The following FOXP1 variants were observed in gnomAD, a reference collection of about 807,000 sequenced individuals.
FOXP1 encodes forkhead box protein P1.
Under a neutral mutation model 98.2 loss-of-function variants are expected in FOXP1, and 15 were observed. The observed-to-expected ratio is 0.15, with a 90% CI of 0.10 to 0.24. The LOEUF (loss-of-function observed/expected upper bound fraction) is 0.24. FOXP1 is among the 10% of genes least tolerant of loss of function. The pLI is 1.00. For synonymous variants in FOXP1, 371 were observed against 314.5 expected, an observed-to-expected ratio of 1.18 and a Z score of -1.90; for missense variants, 633 against 848.5, an observed-to-expected ratio of 0.75 and a Z score of 3.15.
At chr3:71,211,121 T>TA (rs1187727120) in intron 5 of FOXP1, among the ~76,000 whole-genome samples, 1 of 152,160 alleles carries the variant, frequency 6.6e-6, no homozygotes, top group Non-Finnish European at 1.5e-5. Context: ...ACCTATTCCT[T>TA]ATCACGAGCA....
rs149630006 is a variant in FOXP1 at position 71,252,373 on chromosome 3, G to T, written c.-12+47447C>A. ...TTTCCTCATGTTTTTAGCCACTGTG[G>T]AGTAGTGAGGTGTTCCATGAACACA... On this transcript the variant is annotated intron_variant, in intron 5 of 20. Coordinates refer to ENST00000649528, the MANE Select transcript of FOXP1 (RefSeq NM_001349338.3). 6.5e-3 allele frequency among the ~76,000 whole-genome samples: 992 copies of T among 152,302 alleles called. 13 individuals carry two copies. Among genetic ancestry groups the T allele is most frequent in the African/African-American group, 0.023 (960 of 41,552 alleles).
chr3:71,275,188 T>C (rs970573892), intron 5 of FOXP1, among the ~76,000 whole-genome samples: 3 of 152,354 alleles, frequency 2.0e-5, no homozygotes, highest in South Asian at 2.1e-4. Context: ...TTAATATATA[T>C]TGGAGATATT....
At chr3:71,544,037 A>C (rs531659227) in intron 2 of FOXP1, among the ~76,000 whole-genome samples, 1 of 150,860 alleles carries the variant, frequency 6.6e-6, no homozygotes, top group South Asian at 2.1e-4. Context: ...ACACATATAC[A>C]CACATATATG....
intron 7 of FOXP1, among the ~76,000 whole-genome samples, chr3:71,073,455 A>C (rs2053483871): frequency 6.6e-6 from 1 of 152,228 alleles, no homozygotes; most frequent in African/African-American, 2.4e-5. Flanking sequence ...TTCTTACGAC[A>C]ACCTATGAAA....
chr3:71,502,777 A>G (rs1449549348), intron 2 of FOXP1, among the ~76,000 whole-genome samples: 2 of 152,214 alleles, frequency 1.3e-5, no homozygotes, highest in Admixed American at 6.5e-5. Flanking sequence ...AGCCATAACA[A>G]CAGCAGGGGT....
chr3:71,583,866 C>T (rs1290430068), upstream of FOXP1: 2 of 985,434 alleles, frequency 2.0e-6, no homozygotes, highest in South Asian at 4.5e-5. Flanking sequence ...CACCCCGGCC[C>T]GACCCTCTAC....
At chr3:71,537,360 T>C (rs1452271042) in intron 2 of FOXP1, among the ~76,000 whole-genome samples, 1 of 152,194 alleles carries the variant, frequency 6.6e-6, no homozygotes, top group East Asian at 1.9e-4. Flanking sequence ...GGATTTGTTT[T>C]TCCCCCAGCT....
chr3:70,966,848 G>C (rs1328096480), intron 19 of FOXP1, among the ~76,000 whole-genome samples: 1 of 152,158 alleles, frequency 6.6e-6, no homozygotes, highest in Admixed American at 6.5e-5. Flanking sequence ...ACTTTATTTA[G>C]GATAGGTAGG....
intron 19 of FOXP1, chr3:70,970,111 G>C (rs2035885606): frequency 6.5e-6 from 1 of 152,788 alleles, no homozygotes; most frequent in Admixed American, 6.5e-5. Context: ...GGTACCATTG[G>C]TGATGTAACA....
chr3:71,064,812 A>T (rs1405514278), intron 7 of FOXP1: 1 of 984,528 alleles, frequency 1.0e-6, no homozygotes, highest in Non-Finnish European at 1.2e-6. Flanking sequence ...AAGATCAATC[A>T]GAAGGACCAA....
chr3:71,071,825 T>C (rs2053268679), intron 7 of FOXP1, among the ~76,000 whole-genome samples: 1 of 152,086 alleles, frequency 6.6e-6, no homozygotes, highest in African/African-American at 2.4e-5. Context: ...ATCGGCCTGC[T>C]TCAGCCTCCC....
intron 6 of FOXP1, among the ~76,000 whole-genome samples, chr3:71,161,883 C>G (rs1560043888): frequency 6.6e-6 from 1 of 152,188 alleles, no homozygotes; most frequent in Non-Finnish European, 1.5e-5. Context: ...AGATAAAAAT[C>G]AACAGTGATG....
intron 7 of FOXP1, among the ~76,000 whole-genome samples, chr3:71,099,599 T>C (rs1314499291): frequency 6.6e-6 from 1 of 152,178 alleles, no homozygotes; most frequent in Non-Finnish European, 1.5e-5. Context: ...TCAGTTAATC[T>C]TCACAACTGC....
chr3:71,070,508 C>CA (rs1163806092), intron 7 of FOXP1, among the ~76,000 whole-genome samples: 1 of 152,018 alleles, frequency 6.6e-6, no homozygotes, highest in East Asian at 1.9e-4. Flanking sequence ...TCCTAAGATC[C>CA]AAAAAACGGA....
At chr3:71,139,022 T>G (rs1391431189) in intron 6 of FOXP1, among the ~76,000 whole-genome samples, 3 of 152,188 alleles carry the variant, frequency 2.0e-5, no homozygotes, top group African/African-American at 7.2e-5. Flanking sequence ...GCATGTTAAT[T>G]TGGGTTAAAA....
intron 7 of FOXP1, among the ~76,000 whole-genome samples, chr3:71,074,008 G>A (rs775521727): frequency 6.6e-6 from 1 of 152,176 alleles, no homozygotes; most frequent in African/African-American, 2.4e-5. Flanking sequence ...TGGGAAGCAC[G>A]TACTGTGACC....
intron 3 of FOXP1, among the ~76,000 whole-genome samples, chr3:71,456,323 A>C (rs2087495304): frequency 1.3e-5 from 2 of 152,190 alleles, no homozygotes; most frequent in African/African-American, 4.8e-5. Flanking sequence ...TGAAATGTAA[A>C]TAAGGGTTTC....
chr3:71,208,440 G>C (rs1400107313), intron 5 of FOXP1, among the ~76,000 whole-genome samples: 1 of 151,970 alleles, frequency 6.6e-6, no homozygotes, highest in Non-Finnish European at 1.5e-5. Flanking sequence ...CTTCATCCAA[G>C]CAAAAGATAA....
intron 6 of FOXP1, among the ~76,000 whole-genome samples, chr3:71,186,528 T>C (rs2062655967): frequency 6.6e-6 from 1 of 152,152 alleles, no homozygotes; most frequent in Non-Finnish European, 1.5e-5. Flanking sequence ...CTGGCCAACA[T>C]GGTGAAACTC....
Sources: allele counts gnomAD v4.1 joint callset (sites outside exome capture counted in the v4.1 genomes callset), GRCh38; gene constraint gnomAD v4.1.1; transcripts MANE v1.5; gene names NCBI Gene and HGNC (gene_info 2026-07-23, HGNC 2026-07-21).